NOTCH2NLR: variants seen among roughly 807,000 people sequenced by gnomAD.
The protein encoded by NOTCH2NLR is notch 2 N-terminal like R (pseudogene).
NOTCH2NLR carries 33 observed loss-of-function variants against 35.6 expected under a neutral mutation model. The ratio of observed to expected loss-of-function variants is 0.93; its 90% CI spans 0.70 to 1.24. The LOEUF (loss-of-function observed/expected upper bound fraction) is 1.24, where lower values mean the gene tolerates loss of function less well. NOTCH2NLR is among the 50% of genes most tolerant of loss of function. NOTCH2NLR has a pLI of 0.00. For missense variants in NOTCH2NLR, 276 were observed against 362.2 expected (o/e 0.76, Z 1.93); for synonymous variants, 103 against 141.0 (o/e 0.73, Z 1.91).
In NOTCH2NLR at chr1:120,767,666, T is replaced by C. The variant is rs1411691200; in HGVS notation, c.155+3957T>C. ...TACAGGGAGATAAGATATTTTATTC[T>C]TTCCCTTGTCCTACTGGGAGGTGTA... On this transcript the variant is annotated intron_variant, in intron 2 of 4. Transcript: ENST00000624419. 6.7e-5 allele frequency among the ~76,000 whole-genome samples: 7 copies of C among 104,726 alleles called. 1 individual carries two copies. The highest frequency in any genetic ancestry group is 1.9e-4 in the Admixed American group (2 of 10,678). 68.7% of individuals were successfully genotyped at this position (104,726 alleles called of 152,430 possible).
Position 120,778,188 on chromosome 1 carries a change from C to T in NOTCH2NLR, c.156-6786C>T, listed in dbSNP as rs1257428071. Reference sequence around the variant, plus strand: ...CAAACTGCAGACCTTTGTTACTGACCGATGCTTAATTTGGTTTCTGGGTTT... The same window carrying T: ...CAAACTGCAGACCTTTGTTACTGACTGATGCTTAATTTGGTTTCTGGGTTT... On this transcript the variant is annotated intron_variant, in intron 2 of 4. Coordinates refer to ENST00000624419, the Ensembl canonical transcript of NOTCH2NLR. Among the ~76,000 whole-genome samples, 8 of 74,476 alleles carry T rather than the reference C, an allele frequency of 1.1e-4. 1 individual carries two copies. In the East Asian group the frequency reaches 1.9e-3, roughly 18 times the overall value. The allele number at this position is 74,476 out of a possible 152,430, so 48.9% of individuals were successfully genotyped here.
chr1:120,724,010 G>C, exon 1 of NOTCH2NLR: 1 of 1,224,966 alleles, frequency 8.2e-7, no homozygotes, highest in Non-Finnish European at 1.0e-6. Flanking sequence ...GCGGGGAGTC[G>C]AGGCATTTGC....
At chr1:120,754,510 C>T (rs1220402215) in intron 1 of NOTCH2NLR, among the ~76,000 whole-genome samples, 1 of 92,308 alleles carries the variant, frequency 1.1e-5, no homozygotes, top group Non-Finnish European at 1.9e-5. Context: ...TCATGTTGGT[C>T]AGTGTCATTT....
chr1:120,755,963 A>G (rs1465090895), intron 1 of NOTCH2NLR, among the ~76,000 whole-genome samples: 2 of 108,294 alleles, frequency 1.8e-5, no homozygotes, highest in African/African-American at 5.7e-5. Context: ...TTTCCTTTCA[A>G]TCAAGACAAA....
rs1246058665 is a variant in NOTCH2NLR, at chr1:120,754,045, CA to C, written c.74-9575del. Reference sequence around the variant, plus strand: ...TGAAACCCTGTCTCTACTAAAAATACAAAAAAAATTAGCCGGATGTGGTGGC... The same window carrying C: ...TGAAACCCTGTCTCTACTAAAAATACAAAAAAATTAGCCGGATGTGGTGGC... On this transcript the variant is annotated intron_variant, in intron 1 of 4. Coordinates refer to ENST00000624419, the Ensembl canonical transcript of NOTCH2NLR. Among the ~76,000 whole-genome samples, 2 of 80,316 alleles carry C rather than the reference CA, an allele frequency of 2.5e-5. 1 individual carries two copies. The highest frequency in any genetic ancestry group is 4.3e-5 in the Non-Finnish European group (2 of 46,446). The allele number at this position is 80,316 out of a possible 152,430, so 52.7% of individuals were successfully genotyped here. A position where few individuals can be genotyped will look rare whatever the true frequency, so the allele number is the denominator to read the frequency against.
chr1:120,729,828 G>C lies in NOTCH2NLR; in HGVS notation c.73+5578G>C, dbSNP rs1490760644. 1.2e-4 allele frequency among the ~76,000 whole-genome samples: 14 copies of C among 112,536 alleles called. 2 individuals are homozygous for C. Among genetic ancestry groups the C allele is most frequent in the Non-Finnish European group, 1.9e-4 (11 of 59,144 alleles). 73.8% of individuals were successfully genotyped at this position (112,536 alleles called of 152,430 possible). Reference sequence around the variant, plus strand: ...AAATAGCCAGGTGATTCTTACATTAGGAAAGTTTTAGAATCACTGCAGAGT... The same window carrying C: ...AAATAGCCAGGTGATTCTTACATTACGAAAGTTTTAGAATCACTGCAGAGT... On this transcript the variant is annotated intron_variant, in intron 1 of 4. Transcript: ENST00000624419.
chr1:120,724,131 C>A, exon 1 of NOTCH2NLR: 1 of 1,338,010 alleles, frequency 7.5e-7, no homozygotes, highest in Non-Finnish European at 9.7e-7. Flanking sequence ...TCTGCCCAGG[C>A]GGCGGCGGCG....
At chr1:120,780,087 T>G (rs1366693696) in intron 2 of NOTCH2NLR, among the ~76,000 whole-genome samples, 8 of 126,430 alleles carry the variant, frequency 6.3e-5, no homozygotes, top group Admixed American at 3.8e-4. Context: ...AGACTGACTT[T>G]ATCCATCACA....
chr1:120,778,417 G>A lies in NOTCH2NLR; in HGVS notation c.156-6557G>A, dbSNP rs1651323282. On this transcript the variant is annotated intron_variant, in intron 2 of 4. Transcript: ENST00000624419. ...GAGTAAAGAGGAGCTTTAATGAGGA[G>A]CAGCTTCAGTGCCGACGCAACCCAC... Among the ~76,000 whole-genome samples, 3 of 111,432 alleles carry A rather than the reference G, an allele frequency of 2.7e-5. 1 individual carries two copies. The East Asian group carries it at 6.5e-4, about 24-fold the overall frequency. The allele number at this position is 111,432 out of a possible 152,430, so 73.1% of individuals were successfully genotyped here.
At position 120,759,028 on chromosome 1, in the gene NOTCH2NLR, T is replaced by C. The variant is rs1373501215; in HGVS notation, c.74-4600T>C. Among the ~76,000 whole-genome samples, 277 of 109,906 alleles carry C rather than the reference T, an allele frequency of 2.5e-3. 53 individuals carry two copies. Among genetic ancestry groups the C allele is most frequent in the Non-Finnish European group, 3.8e-3 (224 of 58,964 alleles). The allele number at this position is 109,906 out of a possible 152,430, so 72.1% of individuals were successfully genotyped here. A position where few individuals can be genotyped will look rare whatever the true frequency, so the allele number is the denominator to read the frequency against. On this transcript the variant is annotated intron_variant, in intron 1 of 4. Transcript: ENST00000624419. Reference sequence around the variant, plus strand: ...TTTATTAATTTTTTAGCCACCTTTCTCTTATAGAAATAAGGTTCCTGAGGA... The same window carrying C: ...TTTATTAATTTTTTAGCCACCTTTCCCTTATAGAAATAAGGTTCCTGAGGA...
chr1:120,784,710 A>G (rs1399330008), intron 2 of NOTCH2NLR, among the ~76,000 whole-genome samples: 2 of 117,836 alleles, frequency 1.7e-5, no homozygotes, highest in Non-Finnish European at 3.3e-5. Flanking sequence ...TTTACTTAGT[A>G]ATTTTGTTTT....
rs1571024245 is a variant in NOTCH2NLR, at chr1:120,763,715, T to C, written c.155+6T>C. On this transcript the variant is annotated splice_donor_region_variant and intron_variant, in intron 2 of 4. Coordinates refer to ENST00000624419, the Ensembl canonical transcript of NOTCH2NLR. ...AGTGGCACAGGATACTGCAAGTAAG[T>C]TTTTCTCTTCATATATTTTCTTTTT... The C allele has an allele frequency of 1.0e-5, 13 of 1,258,346 alleles. 2 individuals are homozygous for C. In the East Asian group the frequency reaches 3.1e-4, roughly 30 times the overall value. The allele number at this position is 1,258,346 out of a possible 1,614,324, so 77.9% of individuals were successfully genotyped here.
Position 120,728,391 on chromosome 1 carries a change from C to A in NOTCH2NLR, c.73+4141C>A, listed in dbSNP as rs1328799358. Among the ~76,000 whole-genome samples, 2 of 107,764 alleles carry A rather than the reference C, an allele frequency of 1.9e-5. 1 individual carries two copies. The highest frequency in any genetic ancestry group is 1.8e-4 in the Admixed American group (2 of 11,060). The allele number at this position is 107,764 out of a possible 152,430, so 70.7% of individuals were successfully genotyped here. A position where few individuals can be genotyped will look rare whatever the true frequency, so the allele number is the denominator to read the frequency against. ...TGCTTACCTTACATTTGGGGAAAAA[C>A]CAAATTTTTCCCTTCCCCAGATGTT... On this transcript the variant is annotated intron_variant, in intron 1 of 4. Coordinates refer to ENST00000624419, the Ensembl canonical transcript of NOTCH2NLR.
At chr1:120,764,491 G>A (rs1651168257) in intron 2 of NOTCH2NLR, among the ~76,000 whole-genome samples, 1 of 95,178 alleles carries the variant, frequency 1.1e-5, no homozygotes, top group Non-Finnish European at 2.0e-5. Context: ...GTGTGCATGT[G>A]TGTAGATTGA....
rs1651177533 is a variant in NOTCH2NLR at position 120,765,178 on chromosome 1, T to A, written c.155+1469T>A. ...TTCTAGCTGGGGGAAAAAAAAAACA[T>A]GTGGTGCATTCTCCTCTAAGAATGG... On this transcript the variant is annotated intron_variant, in intron 2 of 4. Coordinates refer to ENST00000624419, the Ensembl canonical transcript of NOTCH2NLR. 1.7e-5 allele frequency among the ~76,000 whole-genome samples: 2 copies of A among 120,022 alleles called. 1 individual carries two copies. Among genetic ancestry groups the A allele is most frequent in the African/African-American group, 8.4e-5 (2 of 23,732 alleles). The allele number at this position is 120,022 out of a possible 152,430, so 78.7% of individuals were successfully genotyped here.
Position 120,790,564 on chromosome 1 carries a change from C to CTTTG in NOTCH2NLR, c.416-2594_416-2593insGTTT, listed in dbSNP as rs1302460877. 9.8e-5 allele frequency among the ~76,000 whole-genome samples: 10 copies of CTTTG among 101,952 alleles called. 3 individuals carry two copies. Among genetic ancestry groups the CTTTG allele is most frequent in the Admixed American group, 5.9e-4 (6 of 10,210 alleles). The allele number at this position is 101,952 out of a possible 152,430, so 66.9% of individuals were successfully genotyped here. A position where few individuals can be genotyped will look rare whatever the true frequency, so the allele number is the denominator to read the frequency against. ...TCTTTCTTTCTTTCTTTCTTTCTTT[C>CTTTG]TTTCTTTCTTTCTTTCTTTCTTTCT... On this transcript the variant is annotated intron_variant, in intron 3 of 4. Transcript: ENST00000624419.
In NOTCH2NLR at chr1:120,777,475, T is replaced by C. The variant is rs1451895715; in HGVS notation, c.156-7499T>C. On this transcript the variant is annotated intron_variant, in intron 2 of 4. Transcript: ENST00000624419. ...TGTGTACGTGTGTGAGAGTGAGAGATTGTATACTTGTCTTTGTTTCTTCAC... is the reference window on the plus strand; with the variant it reads ...TGTGTACGTGTGTGAGAGTGAGAGACTGTATACTTGTCTTTGTTTCTTCAC... Among the ~76,000 whole-genome samples, 92 of 109,406 alleles carry C rather than the reference T, an allele frequency of 8.4e-4. 35 individuals carry two copies. Among genetic ancestry groups the C allele is most frequent in the African/African-American group, 5.1e-3 (91 of 17,802 alleles). 71.8% of individuals were successfully genotyped at this position (109,406 alleles called of 152,430 possible).
In NOTCH2NLR at chr1:120,735,409, G is replaced by T. The variant is rs1390304006; in HGVS notation, c.73+11159G>T. Among the ~76,000 whole-genome samples, 6 of 94,734 alleles carry T rather than the reference G, an allele frequency of 6.3e-5. 1 individual carries two copies. The South Asian group carries it at 9.0e-4, about 14-fold the overall frequency. 62.1% of individuals were successfully genotyped at this position (94,734 alleles called of 152,430 possible). ...AACATCAGATTTTTTTTTCTTTTTT[G>T]ATTTTTATTATTATGTGTCTGTCAT... On this transcript the variant is annotated intron_variant, in intron 1 of 4. Coordinates refer to ENST00000624419, the Ensembl canonical transcript of NOTCH2NLR.
chr1:120,793,493 C>G lies in NOTCH2NLR; in HGVS notation c.748C>G (p.Pro250Ala), dbSNP rs1330894607. 5.5e-6 allele frequency: 7 copies of G among 1,284,336 alleles called. No homozygotes were observed. The East Asian group carries it at 1.2e-4, about 22-fold the overall frequency. The allele number at this position is 1,284,336 out of a possible 1,614,324, so 79.6% of individuals were successfully genotyped here. ...CTTCACTTTTGAGTGCAACTGCCTT[C>G]CAGGTAAGGAGCTCCCTAGTGTCCC... Residue 250 changes from proline to alanine, a missense_variant, in exon 4 of 5, where the codon CCA (proline) becomes GCA (alanine). Transcript: ENST00000624419.
Sources: gnomAD v4.1 joint callset for allele counts (sites outside exome capture counted in the v4.1 genomes callset) on GRCh38, gnomAD v4.1.1 for gene constraint, MANE v1.5 for transcripts, NCBI Gene and HGNC (gene_info 2026-07-23, HGNC 2026-07-21) for gene names.